The following FALEC variants were observed in gnomAD, a reference collection of about 807,000 sequenced individuals.
The protein encoded by FALEC is focally amplified lncRNA on chromosome 1.
the FALEC span, among the ~76,000 whole-genome samples, chr1:150,534,295 G>C: frequency 6.6e-6 from 1 of 152,166 alleles, no homozygotes; most frequent in East Asian, 1.9e-4. Context: ...CCCTGGAGAG[G>C]GATGCCCTTT....
At chr1:150,532,584 C>T in the FALEC span, among the ~76,000 whole-genome samples, 3 of 152,192 alleles carry the variant, frequency 2.0e-5, no homozygotes, top group Non-Finnish European at 2.9e-5. Flanking sequence ...TGCCAGCACC[C>T]GCCTTGGTGG....
At chr1:150,534,103 G>C in the FALEC span, among the ~76,000 whole-genome samples, 1 of 152,328 alleles carries the variant, frequency 6.6e-6, no homozygotes, top group East Asian at 1.9e-4. Flanking sequence ...GTGGGGCAGT[G>C]ACAAACCCAG....
At chr1:150,527,802 A>T in the FALEC span, among the ~76,000 whole-genome samples, 1 of 152,098 alleles carries the variant, frequency 6.6e-6, no homozygotes, top group East Asian at 1.9e-4. Flanking sequence ...GTGAGCCAAG[A>T]TCGCACCACT....
chr1:150,531,981 T>A, the FALEC span, among the ~76,000 whole-genome samples: 1 of 152,350 alleles, frequency 6.6e-6, no homozygotes, highest in South Asian at 2.1e-4. Context: ...CTTGGCTCAC[T>A]GCAAGCTCCG....
chr1:150,528,583 ATT>A, the FALEC span, among the ~76,000 whole-genome samples: 20 of 140,866 alleles, frequency 1.4e-4, no homozygotes, highest in East Asian at 6.2e-4. Flanking sequence ...ATTACTATTA[ATT>A]TTTTTTTTTT....
At chr1:150,526,474 C>T in the FALEC span, among the ~76,000 whole-genome samples, 1 of 151,778 alleles carries the variant, frequency 6.6e-6, no homozygotes, top group African/African-American at 2.4e-5. Flanking sequence ...GCTGGGAGTA[C>T]ATGCTTGAGC....
the FALEC span, among the ~76,000 whole-genome samples, chr1:150,533,241 G>T: frequency 6.6e-6 from 1 of 152,176 alleles, no homozygotes; most frequent in African/African-American, 2.4e-5. Flanking sequence ...TGTCAGGATT[G>T]CAGCAGAGGG....
chr1:150,531,785 G>C, the FALEC span, among the ~76,000 whole-genome samples: 1 of 152,200 alleles, frequency 6.6e-6, no homozygotes, highest in South Asian at 2.1e-4. Flanking sequence ...CCTGCTTCTA[G>C]TTAGCCCATG....
At chr1:150,526,137 C>G in the FALEC span, among the ~76,000 whole-genome samples, 1 of 151,652 alleles carries the variant, frequency 6.6e-6, no homozygotes, top group East Asian at 1.9e-4. Flanking sequence ...CTGAGGCGGG[C>G]GGATCACGAG....
At chr1:150,533,420 A>G in the FALEC span, among the ~76,000 whole-genome samples, 1 of 148,042 alleles carries the variant, frequency 6.8e-6, no homozygotes, top group Admixed American at 6.7e-5. Flanking sequence ...TCTTAGGAAG[A>G]GAACCAGAGC....
the FALEC span, among the ~76,000 whole-genome samples, chr1:150,528,810 A>G: frequency 1.3e-5 from 2 of 151,558 alleles, no homozygotes; most frequent in South Asian, 4.2e-4. Context: ...GATGGTCTCA[A>G]TCTCCTGACC....
chr1:150,518,966 G>A (rs995770571), downstream of FALEC, among the ~76,000 whole-genome samples: 1 of 152,102 alleles, frequency 6.6e-6, no homozygotes, highest in Non-Finnish European at 1.5e-5. Flanking sequence ...TGAGGCAGGA[G>A]AATCACTTGA....
the FALEC span, among the ~76,000 whole-genome samples, chr1:150,529,247 A>G: frequency 6.6e-6 from 1 of 152,184 alleles, no homozygotes; most frequent in Non-Finnish European, 1.5e-5. Flanking sequence ...TTAAAGGCCC[A>G]GCTGGGATTA....
the FALEC span, among the ~76,000 whole-genome samples, chr1:150,528,446 A>G: frequency 2.6e-5 from 4 of 152,124 alleles, no homozygotes; most frequent in Non-Finnish European, 2.9e-5. Flanking sequence ...CCTAGCCGAC[A>G]TGTCATCCCT....
downstream of FALEC, among the ~76,000 whole-genome samples, chr1:150,522,885 ATACG>A (rs1303530882): frequency 2.7e-5 from 3 of 111,134 alleles, no homozygotes; most frequent in Admixed American, 9.8e-5. Flanking sequence ...ACATATATAT[ATACG>A]TATATATATA....
the FALEC span, among the ~76,000 whole-genome samples, chr1:150,524,701 T>C: frequency 6.6e-6 from 1 of 152,060 alleles, no homozygotes; most frequent in Admixed American, 6.6e-5. Context: ...GAAGGTACCA[T>C]TTTGCACCCA....
intron 1 of FALEC, among the ~76,000 whole-genome samples, chr1:150,516,400 T>G (rs1670570272): frequency 6.6e-6 from 1 of 152,200 alleles, no homozygotes; most frequent in Admixed American, 6.5e-5. Context: ...CAGTTTAGTC[T>G]GTCGGGGAGG....
chr1:150,519,743 G>A (rs1670615223), downstream of FALEC, among the ~76,000 whole-genome samples: 1 of 152,108 alleles, frequency 6.6e-6, no homozygotes, highest in Admixed American at 6.6e-5. Context: ...TGTAATCCCA[G>A]CTACTCGGGA....
the FALEC span, among the ~76,000 whole-genome samples, chr1:150,536,353 T>G: frequency 6.6e-6 from 1 of 152,062 alleles, no homozygotes; most frequent in Non-Finnish European, 1.5e-5. Context: ...AAGAAGGAAG[T>G]CTTTGGGTTA....
Sources: allele counts gnomAD v4.1 joint callset (sites outside exome capture counted in the v4.1 genomes callset), GRCh38; gene constraint gnomAD v4.1.1; transcripts MANE v1.5; gene names NCBI Gene and HGNC (gene_info 2026-07-23, HGNC 2026-07-21).